Variants in AP1S3 observed in about 807,000 individuals in gnomAD.
AP1S3 encodes adaptor related protein complex 1 subunit sigma 3.
In AP1S3, 10 loss-of-function variants were observed where a neutral mutation model predicts 20.9. The ratio of observed to expected loss-of-function variants is 0.48; its 90% CI spans 0.29 to 0.81. The LOEUF is 0.81. AP1S3 is among the 30% of genes least tolerant of loss of function. The probability of loss-of-function intolerance (pLI) is 0.08; values close to 1 mark genes in which losing one functional copy is unlikely to be tolerated. For missense variants in AP1S3, 154 were observed against 183.8 expected (o/e 0.84, Z 0.94); for synonymous variants, 41 against 61.5 (o/e 0.67, Z 1.56).
At chr2:223,837,000 A>C (rs1559151393) in intron 1 of AP1S3, among the ~76,000 whole-genome samples, 1 of 151,750 alleles carries the variant, frequency 6.6e-6, no homozygotes, top group Non-Finnish European at 1.5e-5. Context: ...TTGCCACTCC[A>C]CCCGGTTGTA....
chr2:223,758,260 A>G lies in AP1S3; in HGVS notation c.*455T>C. 3 of 976,702 alleles carry G rather than the reference A, an allele frequency of 3.1e-6. No individual in the cohort carries two copies. The highest frequency in any genetic ancestry group is 1.7e-5 in the African/African-American group (1 of 57,164). The allele number at this position is 976,702 out of a possible 1,614,324, so 60.5% of individuals were successfully genotyped here. A position where few individuals can be genotyped will look rare whatever the true frequency, so the allele number is the denominator to read the frequency against. On this transcript the variant is annotated 3_prime_UTR_variant, in exon 5 of 5. Coordinates refer to ENST00000396654, the MANE Select transcript of AP1S3 (RefSeq NM_001039569.2). ...CATTACATATAAACTCTGCACTATT[A>G]ACATAATTTTGAATTATTATACAAT...
intron 1 of AP1S3, among the ~76,000 whole-genome samples, chr2:223,803,666 T>C (rs1332649553): frequency 1.3e-5 from 2 of 151,724 alleles, no homozygotes; most frequent in Non-Finnish European, 2.9e-5. Context: ...AATCATGAAG[T>C]CAGGAGATCT....
chr2:223,808,788 T>C (rs1039433484), intron 1 of AP1S3, among the ~76,000 whole-genome samples: 3 of 152,162 alleles, frequency 2.0e-5, no homozygotes, highest in African/African-American at 7.2e-5. Context: ...GGTGGATCGC[T>C]TGAGCCCAGG....
intron 1 of AP1S3, among the ~76,000 whole-genome samples, chr2:223,802,525 G>A (rs534742370): frequency 6.6e-5 from 10 of 152,028 alleles, no homozygotes; most frequent in East Asian, 1.9e-4. Flanking sequence ...GGCTGGTCTC[G>A]AACTCCTGAC....
chr2:223,816,899 G>A (rs563916985), intron 1 of AP1S3, among the ~76,000 whole-genome samples: 7 of 152,266 alleles, frequency 4.6e-5, no homozygotes, highest in African/African-American at 1.4e-4. Context: ...AGGCCAAGGC[G>A]AGTGGATCAC....
intron 1 of AP1S3, among the ~76,000 whole-genome samples, chr2:223,795,607 C>T (rs1186070909): frequency 8.8e-6 from 1 of 113,358 alleles, no homozygotes; most frequent in Non-Finnish European, 1.8e-5. Flanking sequence ...CAGGAGGCGC[C>T]AGGAGGCAGT....
chr2:223,758,423 A>G lies in AP1S3; in HGVS notation c.*292T>C. On this transcript the variant is annotated 3_prime_UTR_variant, in exon 5 of 5. Coordinates refer to ENST00000396654, the MANE Select transcript of AP1S3 (RefSeq NM_001039569.2). ...ATCTAAACCAGCTTAAAAACATAAC[A>G]TGGAGTTAATACATTACAAATATTG... is the stretch of plus-strand genomic sequence containing the variant. The G allele has an allele frequency of 9.0e-7, 1 of 1,113,886 alleles. No individual in the cohort carries two copies. The highest frequency in any genetic ancestry group is 1.1e-6 in the Non-Finnish European group (1 of 914,020). 69.0% of individuals were successfully genotyped at this position (1,113,886 alleles called of 1,614,324 possible). A position where few individuals can be genotyped will look rare whatever the true frequency, so the allele number is the denominator to read the frequency against.
At position 223,785,536 on chromosome 2, in the gene AP1S3, T is replaced by C. The variant is rs536033857; in HGVS notation, c.4-7667A>G. ...GATTTTCCAAAATTCATATGTATGA[T>C]TCTATAATTAGAAAAAAATGCTTAA... On this transcript the variant is annotated intron_variant, in intron 1 of 4. Transcript: ENST00000396654. 3.3e-5 allele frequency among the ~76,000 whole-genome samples: 5 copies of C among 152,334 alleles called. No individual in the cohort carries two copies. In the East Asian group the frequency reaches 9.6e-4, roughly 29 times the overall value.
At chr2:223,805,187 C>T (rs1002500875) in intron 1 of AP1S3, among the ~76,000 whole-genome samples, 2 of 152,164 alleles carry the variant, frequency 1.3e-5, no homozygotes, top group African/African-American at 2.4e-5. Flanking sequence ...GCCTCTAATC[C>T]GAGCACTTTG....
chr2:223,812,707 A>G (rs115185701), intron 1 of AP1S3, among the ~76,000 whole-genome samples: 1,781 of 152,276 alleles, frequency 0.012, 33 homozygotes, highest in African/African-American at 0.039. Flanking sequence ...ATTTAAGAGA[A>G]TTTGGAAGGT....
chr2:223,801,679 A>G (rs1306656187), intron 1 of AP1S3, among the ~76,000 whole-genome samples: 2 of 152,026 alleles, frequency 1.3e-5, no homozygotes, highest in Non-Finnish European at 2.9e-5. Flanking sequence ...CCTGACTCCA[A>G]GTGGTCTGCC....
Position 223,758,647 on chromosome 2 carries a change from G to A in AP1S3, c.*68C>T, listed in dbSNP as rs376934833. On this transcript the variant is annotated 3_prime_UTR_variant, in exon 5 of 5. Coordinates refer to ENST00000396654, the MANE Select transcript of AP1S3 (RefSeq NM_001039569.2). ...GTGCCTGAGGCTCCATCAAAAAACC[G>A]GATGGGAGGCGTTGCTTATTTACAG... 22 of 1,481,502 alleles carry A rather than the reference G, an allele frequency of 1.5e-5. No individual in the cohort carries two copies. The highest frequency in any genetic ancestry group is 2.5e-5 in the East Asian group (1 of 40,366). The allele number at this position is 1,481,502 out of a possible 1,614,324, so 91.8% of individuals were successfully genotyped here.
chr2:223,798,294 A>G (rs940950159), intron 1 of AP1S3, among the ~76,000 whole-genome samples: 1 of 152,168 alleles, frequency 6.6e-6, no homozygotes, highest in South Asian at 2.1e-4. Context: ...TATTTCAATT[A>G]TTTTCCTAAT....
At chr2:223,783,932 C>T (rs1691015459) in intron 1 of AP1S3, among the ~76,000 whole-genome samples, 1 of 152,208 alleles carries the variant, frequency 6.6e-6, no homozygotes, top group Non-Finnish European at 1.5e-5. Context: ...AACACAGGTT[C>T]AACCAACCCG....
At chr2:223,759,615 A>C (rs1690304672) in intron 4 of AP1S3, among the ~76,000 whole-genome samples, 1 of 152,172 alleles carries the variant, frequency 6.6e-6, no homozygotes, top group Non-Finnish European at 1.5e-5. Context: ...TATACAAATT[A>C]TGTTTCTTTT....
intron 3 of AP1S3, among the ~76,000 whole-genome samples, chr2:223,765,579 T>C (rs1690457785): frequency 6.6e-6 from 1 of 152,186 alleles, no homozygotes; most frequent in African/African-American, 2.4e-5. Context: ...TGTTTTGTGT[T>C]ACAACAGGAA....
intron 4 of AP1S3, among the ~76,000 whole-genome samples, chr2:223,762,187 G>T (rs1248040845): frequency 2.0e-5 from 3 of 151,114 alleles, no homozygotes; most frequent in Admixed American, 6.6e-5. Context: ...TGGCCAGGCT[G>T]GTCTTGAACA....
intron 1 of AP1S3, among the ~76,000 whole-genome samples, chr2:223,796,149 G>A (rs886983146): frequency 1.8e-4 from 28 of 151,596 alleles, no homozygotes; most frequent in African/African-American, 6.8e-4. Flanking sequence ...CTCCAGCCTG[G>A]GCAACACAGA....
chr2:223,837,396 G>C (rs1320119606), intron 1 of AP1S3, 52 bp downstream of exon 1: 5 of 1,138,258 alleles, frequency 4.4e-6, no homozygotes, highest in Non-Finnish European at 5.5e-6. Context: ...TGCCTCCCCG[G>C]AGCGCGAGCG....
Sources: allele counts gnomAD v4.1 joint callset (sites outside exome capture counted in the v4.1 genomes callset), GRCh38; gene constraint gnomAD v4.1.1; transcripts MANE v1.5; gene names NCBI Gene and HGNC (gene_info 2026-07-23, HGNC 2026-07-21).